CAPN13: variants seen among roughly 807,000 people sequenced by gnomAD.
CAPN13 encodes calpain-13.
CAPN13 carries 90 observed loss-of-function variants against 98.4 expected under a neutral mutation model. The observed-to-expected ratio is 0.92, with a 90% confidence interval of 0.77 to 1.09. The LOEUF (loss-of-function observed/expected upper bound fraction) is 1.09. CAPN13 is among the 50% of genes least tolerant of loss of function. CAPN13 has a pLI of 0.00. For missense variants in CAPN13, 887 were observed against 841.3 expected (o/e 1.05, Z -0.67); for synonymous variants, 330 against 305.5 (o/e 1.08, Z -0.84).
rs1296809853 is a variant in CAPN13 at position 30,751,105 on chromosome 2, G to C, written c.1234C>G (p.Leu412Val). 3 of 1,613,472 alleles carry C rather than the reference G, an allele frequency of 1.9e-6. No individual in the cohort carries two copies. The Admixed American group carries it at 5.0e-5, about 27-fold the overall frequency. ...AGCCCTGAAGCAGGCTGCCTTACCA[G>C]AATCACTTGGAAATCGAGTGGAAAT... is the stretch of plus-strand genomic sequence containing the variant. ...AKFPLDFQVILAGSQRFREKF... is the reference protein window; with the variant it reads ...AKFPLDFQVIVAGSQRFREKF... The change falls in exon 11 of 23, where the codon CTG becomes GTG. Residue 412 changes from leucine (L) to valine (V), a missense_variant and splice_region_variant. Transcript: ENST00000295055.
At chr2:30,774,853 A>G (rs1673602906) in intron 4 of CAPN13, among the ~76,000 whole-genome samples, 1 of 152,204 alleles carries the variant, frequency 6.6e-6, no homozygotes, top group Admixed American at 6.5e-5. Flanking sequence ...TAAACTAGAA[A>G]TCAATTTTAT....
rs1223180039 is a variant in CAPN13 at position 30,763,125 on chromosome 2, C to T, written c.731G>A (p.Gly244Glu). The T allele has an allele frequency of 1.2e-6, 2 of 1,611,516 alleles. No individual in the cohort carries two copies. The highest frequency in any genetic ancestry group is 1.7e-5 in the Admixed American group (1 of 59,824). ...AGTGTAGGCATGGAGACTCACCAGCCCATTCTCCATCGCCTGTGCTGTATC... is the reference window on the plus strand; with the variant it reads ...AGTGTAGGCATGGAGACTCACCAGCTCATTCTCCATCGCCTGTGCTGTATC... ...PTDTAQAMEN[G>E]LVSLHAYTVT... Residue 244 changes from glycine to glutamate, a missense_variant, in exon 7 of 23, where the codon GGG (glycine) becomes GAG (glutamate). Coordinates refer to ENST00000295055, the MANE Select transcript of CAPN13 (RefSeq NM_144575.3).
chr2:30,772,169 C>T (rs1017239827), intron 4 of CAPN13, among the ~76,000 whole-genome samples: 11 of 152,146 alleles, frequency 7.2e-5, no homozygotes, highest in African/African-American at 2.7e-4. Context: ...GATTGGTGGT[C>T]AAGAATGAGG....
intron 11 of CAPN13, 96 bp downstream of exon 11, chr2:30,751,007 G>A (rs1368450471): frequency 8.9e-6 from 12 of 1,349,308 alleles, no homozygotes; most frequent in East Asian, 2.5e-5. Context: ...AGGCTGTGGT[G>A]CAGTCAAATC....
At chr2:30,801,413 A>G (rs1158224440) in intron 1 of CAPN13, among the ~76,000 whole-genome samples, 1 of 151,732 alleles carries the variant, frequency 6.6e-6, no homozygotes, top group Non-Finnish European at 1.5e-5. Context: ...CAGGAGTTTG[A>G]GACCAGCCTG....
intron 1 of CAPN13, among the ~76,000 whole-genome samples, chr2:30,794,804 C>T (rs553327171): frequency 6.6e-6 from 1 of 151,906 alleles, no homozygotes; most frequent in Non-Finnish European, 1.5e-5. Context: ...TATATGACTC[C>T]ATTTATAAAA....
At chr2:30,742,287 C>T (rs1671700938) in intron 14 of CAPN13, 39 bp downstream of exon 14, 1 of 1,588,868 alleles carries the variant, frequency 6.3e-7, no homozygotes, top group Non-Finnish European at 8.6e-7. Context: ...TGGGATGGGG[C>T]CAATGAGGCT....
chr2:30,736,950 T>G (rs1671397628), intron 17 of CAPN13, among the ~76,000 whole-genome samples: 2 of 151,618 alleles, frequency 1.3e-5, no homozygotes, highest in South Asian at 2.1e-4. Flanking sequence ...GCACATAGAG[T>G]CCTGCGTGCA....
intron 20 of CAPN13, 76 bp downstream of exon 20, chr2:30,732,362 G>T: frequency 6.3e-7 from 1 of 1,581,864 alleles, no homozygotes. Context: ...CTGGGGTGGG[G>T]TAGGGGGTGT....
chr2:30,773,303 A>G (rs1440960672), intron 4 of CAPN13, among the ~76,000 whole-genome samples: 1 of 152,228 alleles, frequency 6.6e-6, no homozygotes, highest in Non-Finnish European at 1.5e-5. Flanking sequence ...TAACTGAAAT[A>G]TCATTTTTAA....
intron 2 of CAPN13, among the ~76,000 whole-genome samples, chr2:30,780,683 T>C (rs1308191566): frequency 6.6e-6 from 1 of 152,240 alleles, no homozygotes; most frequent in Non-Finnish European, 1.5e-5. Context: ...GTCATTTTCA[T>C]CAAAGGTGGG....
Position 30,792,165 on chromosome 2 carries a change from T to A in CAPN13, c.-32-4808A>T, listed in dbSNP as rs146435290. Among the ~76,000 whole-genome samples the A allele has an allele frequency of 4.8e-3, 736 of 152,102 alleles. 21 individuals are homozygous for A. Among genetic ancestry groups the A allele is most frequent in the Admixed American group, 0.045 (681 of 15,286 alleles). ...GAAGACGTGAATAAGTAGAAGGACA[T>A]AAATAAGAAAGACAAGAGCAGAAAT... On this transcript the variant is annotated intron_variant, in intron 1 of 22. Coordinates refer to ENST00000295055, the MANE Select transcript of CAPN13 (RefSeq NM_144575.3).
chr2:30,801,997 C>T (rs916594324), intron 1 of CAPN13, among the ~76,000 whole-genome samples: 7 of 152,204 alleles, frequency 4.6e-5, no homozygotes, highest in South Asian at 4.1e-4. Flanking sequence ...CCCTGCGCTG[C>T]GTCTAGCCAC....
intron 8 of CAPN13, among the ~76,000 whole-genome samples, chr2:30,756,488 T>G (rs1357102611): frequency 2.0e-5 from 3 of 152,234 alleles, no homozygotes; most frequent in African/African-American, 7.2e-5. Flanking sequence ...ACTGGTCATT[T>G]GATATTTAGC....
intron 1 of CAPN13, among the ~76,000 whole-genome samples, chr2:30,789,984 C>T (rs1674520596): frequency 6.6e-6 from 1 of 152,182 alleles, no homozygotes. Context: ...TGGGGACAGG[C>T]AGCAGGCTGG....
In CAPN13 at chr2:30,787,281, C is replaced by T; in HGVS notation, c.45G>A (p.Lys15=). Residue 15 remains lysine (K), a synonymous_variant, in exon 2 of 23, where the codon AAG becomes AAA. Transcript: ENST00000295055. Reference sequence around the variant, plus strand: ...AGGTGGTAAAGTCCTGGTCTTTGAACTTGATGATGGAGGTCTCCACTGAAG... The same window carrying T: ...AGGTGGTAAAGTCCTGGTCTTTGAATTTGATGATGGAGGTCTCCACTGAAG... ...QEPSVETSII[K]FKDQDFTTLR... 6.2e-7 allele frequency: 1 copy of T among 1,613,434 alleles called. No homozygotes were observed. The highest frequency in any genetic ancestry group is 8.5e-7 in the Non-Finnish European group (1 of 1,179,742).
intron 2 of CAPN13, among the ~76,000 whole-genome samples, chr2:30,782,841 T>A (rs1674061938): frequency 3.9e-5 from 6 of 152,248 alleles, no homozygotes. Flanking sequence ...CTGTCTACCA[T>A]CGTGTACTGT....
At chr2:30,762,266 G>C (rs1672887332) in intron 7 of CAPN13, among the ~76,000 whole-genome samples, 2 of 152,154 alleles carry the variant, frequency 1.3e-5, no homozygotes, top group African/African-American at 4.8e-5. Flanking sequence ...GTATTTTCCA[G>C]GCCAGTGATC....
chr2:30,785,134 A>G (rs1265650875), intron 2 of CAPN13, among the ~76,000 whole-genome samples: 2 of 152,180 alleles, frequency 1.3e-5, no homozygotes, highest in Non-Finnish European at 2.9e-5. Flanking sequence ...TCATTCATCC[A>G]TTCACTCATG....
Sources: gnomAD v4.1 joint callset for allele counts (sites outside exome capture counted in the v4.1 genomes callset) on GRCh38, gnomAD v4.1.1 for gene constraint, MANE v1.5 for transcripts, NCBI Gene and HGNC (gene_info 2026-07-23, HGNC 2026-07-21) for gene names.